DCC: variants seen among roughly 807,000 people sequenced by gnomAD.
The protein encoded by DCC is netrin receptor DCC.
A neutral mutation model predicts 172.5 loss-of-function variants in DCC; 58 were observed. The observed-to-expected ratio is 0.34, with a 90% CI of 0.27 to 0.42. The LOEUF (loss-of-function observed/expected upper bound fraction) is 0.42, where lower values mean the gene tolerates loss of function less well. Among genes scored for constraint, DCC ranks in the 10% least tolerant of loss-of-function variants. The pLI, the probability that DCC is intolerant of heterozygous loss-of-function variation, is 1.00. For synonymous variants in DCC, 709 were observed against 644.5 expected, an observed-to-expected ratio of 1.10 and a Z score of -1.52; for missense variants, 1,740 against 1,791.0, an observed-to-expected ratio of 0.97 and a Z score of 0.51.
chr18:53,335,564 A>T (rs2144858552), intron 14 of DCC, among the ~76,000 whole-genome samples: 1 of 152,316 alleles, frequency 6.6e-6, no homozygotes, highest in East Asian at 1.9e-4. Flanking sequence ...TGTTACAAAG[A>T]ATAACATGCC....
intron 12 of DCC, among the ~76,000 whole-genome samples, chr18:53,229,830 CA>C (rs1489429162): frequency 2.0e-5 from 3 of 151,848 alleles, no homozygotes; most frequent in Non-Finnish European, 4.4e-5. Flanking sequence ...TGTGAACATG[CA>C]AAGGTAAAAA....
rs568628693 is a variant in DCC at position 53,284,416 on chromosome 18, C to T, written c.1912-21162C>T. 4.5e-4 allele frequency among the ~76,000 whole-genome samples: 68 copies of T among 152,112 alleles called. 1 individual carries two copies. The South Asian group carries it at 7.1e-3, about 16-fold the overall frequency. On this transcript the variant is annotated intron_variant, in intron 12 of 28. Coordinates refer to ENST00000442544, the MANE Select transcript of DCC (RefSeq NM_005215.4). ...CGTGCTGTTTTTGTGATAGTGAGTACGTCTCATGAGATCTTATGGTTTTAA... is the reference window on the plus strand; with the variant it reads ...CGTGCTGTTTTTGTGATAGTGAGTATGTCTCATGAGATCTTATGGTTTTAA...
intron 1 of DCC, among the ~76,000 whole-genome samples, chr18:52,506,540 C>A (rs1469352635): frequency 6.6e-6 from 1 of 152,034 alleles, no homozygotes; most frequent in Admixed American, 6.6e-5. Context: ...ACAAATAAAG[C>A]AATATCTATT....
Position 53,486,924 on chromosome 18 carries a change from A to G in DCC, c.3864A>G (p.Ser1288=), listed in dbSNP as rs770763469. The change falls in exon 26 of 29, where the codon TCA becomes TCG. Residue 1288 remains serine (S), a synonymous_variant. Coordinates refer to ENST00000442544, the MANE Select transcript of DCC (RefSeq NM_005215.4). ...GGCCTGTGCCATTCCCAACACTCTCAGTGGACCGAGGTTTCGGAGCAGGAA... is the reference window on the plus strand; with the variant it reads ...GGCCTGTGCCATTCCCAACACTCTCGGTGGACCGAGGTTTCGGAGCAGGAA... ...TLRPVPFPTL[S]VDRGFGAGRS... 2.5e-6 allele frequency: 4 copies of G among 1,614,164 alleles called. No individual in the cohort carries two copies. The highest frequency in any genetic ancestry group is 1.7e-5 in the Admixed American group (1 of 60,028).
At chr18:52,623,749 C>G (rs192065727) in intron 1 of DCC, among the ~76,000 whole-genome samples, 1 of 152,138 alleles carries the variant, frequency 6.6e-6, no homozygotes, top group Non-Finnish European at 1.5e-5. Flanking sequence ...TGCATCTCCC[C>G]CTTTCAACTT....
intron 3 of DCC, among the ~76,000 whole-genome samples, chr18:52,909,178 A>AT (rs1439488123): frequency 6.6e-6 from 1 of 152,184 alleles, no homozygotes; most frequent in African/African-American, 2.4e-5. Context: ...GTAATCCTTT[A>AT]TGAATCAATT....
At chr18:52,735,257 G>C (rs1353451438) in intron 1 of DCC, among the ~76,000 whole-genome samples, 1 of 151,988 alleles carries the variant, frequency 6.6e-6, no homozygotes, top group African/African-American at 2.4e-5. Context: ...TTAACCCTAG[G>C]CTCATCCCTC....
chr18:53,019,403 T>C (rs2041848998), intron 5 of DCC, among the ~76,000 whole-genome samples: 2 of 152,156 alleles, frequency 1.3e-5, no homozygotes, highest in Non-Finnish European at 2.9e-5. Context: ...GAAGAACAAC[T>C]TAAGCCATTG....
chr18:53,168,419 C>A (rs1445494531), intron 8 of DCC, among the ~76,000 whole-genome samples: 1 of 152,000 alleles, frequency 6.6e-6, no homozygotes, highest in African/African-American at 2.4e-5. Flanking sequence ...TTTGCAGGGA[C>A]ATGGATGAAG....
At chr18:53,119,376 T>C (rs1019120874) in intron 7 of DCC, among the ~76,000 whole-genome samples, 1 of 151,764 alleles carries the variant, frequency 6.6e-6, no homozygotes, top group Non-Finnish European at 1.5e-5. Flanking sequence ...TCCCTCAGAA[T>C]GTGTTCCTGG....
At chr18:52,444,562 C>T (rs776060860) in intron 1 of DCC, among the ~76,000 whole-genome samples, 43 of 152,064 alleles carry the variant, frequency 2.8e-4, no homozygotes, top group Non-Finnish European at 5.4e-4. Context: ...ACAAATTTAA[C>T]ATGTTTGGCA....
At chr18:52,554,489 A>T (rs572945336) in intron 1 of DCC, among the ~76,000 whole-genome samples, 4 of 152,260 alleles carry the variant, frequency 2.6e-5, no homozygotes, top group South Asian at 2.1e-4. Flanking sequence ...AATAATACAC[A>T]GTCCTGACTT....
At chr18:52,417,303 C>T (rs547364918) in intron 1 of DCC, among the ~76,000 whole-genome samples, 184 of 152,218 alleles carry the variant, frequency 1.2e-3, no homozygotes, top group African/African-American at 4.2e-3. Flanking sequence ...CTGCCCTTAA[C>T]GTTTTTTCCT....
intron 15 of DCC, among the ~76,000 whole-genome samples, chr18:53,384,195 A>C (rs944512880): frequency 6.6e-6 from 1 of 152,142 alleles, no homozygotes; most frequent in Non-Finnish European, 1.5e-5. Flanking sequence ...CAAGTGGATA[A>C]GTTTGTACCC....
At chr18:52,641,487 A>G (rs984441208) in intron 1 of DCC, among the ~76,000 whole-genome samples, 3 of 152,200 alleles carry the variant, frequency 2.0e-5, no homozygotes, top group African/African-American at 4.8e-5. Context: ...TAACATCCAG[A>G]ATCTACAATG....
At chr18:52,685,297 C>T (rs1568040663) in intron 1 of DCC, among the ~76,000 whole-genome samples, 1 of 151,990 alleles carries the variant, frequency 6.6e-6, no homozygotes, top group South Asian at 2.1e-4. Context: ...CATAATTTTA[C>T]TCTGGCCTGT....
intron 2 of DCC, among the ~76,000 whole-genome samples, chr18:52,900,959 A>G (rs1012551787): frequency 6.6e-6 from 1 of 152,236 alleles, no homozygotes; most frequent in Admixed American, 6.5e-5. Flanking sequence ...TAGGAATTCA[A>G]TGTAAGGCAG....
At chr18:52,439,182 G>A (rs888479907) in intron 1 of DCC, among the ~76,000 whole-genome samples, 27 of 150,864 alleles carry the variant, frequency 1.8e-4, no homozygotes, top group Admixed American at 9.3e-4. Flanking sequence ...TTTTGTGTGT[G>A]TGTGTGTGTG....
At chr18:53,136,136 T>A (rs901881892) in intron 7 of DCC, among the ~76,000 whole-genome samples, 4 of 151,976 alleles carry the variant, frequency 2.6e-5, no homozygotes, top group Admixed American at 2.6e-4. Context: ...AAAAATTGGA[T>A]GTGTGTGTGT....
Sources: allele counts gnomAD v4.1 joint callset (sites outside exome capture counted in the v4.1 genomes callset), GRCh38; gene constraint gnomAD v4.1.1; transcripts MANE v1.5; gene names NCBI Gene and HGNC (gene_info 2026-07-23, HGNC 2026-07-21).